Variants in SAMD12 observed in about 807,000 individuals in gnomAD.
SAMD12 encodes sterile alpha motif domain containing 12.
A neutral mutation model predicts 15.0 loss-of-function variants in SAMD12; 9 were observed. The ratio of observed to expected loss-of-function variants is 0.60; its 90% CI spans 0.36 to 1.05. SAMD12 has a LOEUF of 1.05. Among genes scored for constraint, SAMD12 ranks in the 50% least tolerant of loss-of-function variants. The pLI, the probability that SAMD12 is intolerant of heterozygous loss-of-function variation, is 0.01. For missense variants in SAMD12, 230 were observed against 234.2 expected (o/e 0.98, Z 0.12); for synonymous variants, 86 against 90.1 (o/e 0.96, Z 0.25).
At chr8:118,228,437 A>C (rs1024455198) in intron 4 of SAMD12, among the ~76,000 whole-genome samples, 2 of 152,166 alleles carry the variant, frequency 1.3e-5, no homozygotes, top group Non-Finnish European at 2.9e-5. Context: ...AGTCAGTAAG[A>C]AAAAGAAAAA....
rs755990665 is a variant in SAMD12 at position 118,379,114 on chromosome 8, T to C, written c.*303A>G. 1.9e-5 allele frequency: 21 copies of C among 1,111,050 alleles called. No homozygotes were observed. Among genetic ancestry groups the C allele is most frequent in the Non-Finnish European group, 2.2e-5 (20 of 907,746 alleles). The allele number at this position is 1,111,050 out of a possible 1,614,324, so 68.8% of individuals were successfully genotyped here. ...AAATACAACAAAAACTCCACTTATA[T>C]CACTGGTCATCGTAACTATTGAATC... is the stretch of plus-strand genomic sequence containing the variant. On this transcript the variant is annotated 3_prime_UTR_variant, in exon 4 of 4. Coordinates refer to ENST00000314727, the MANE Select transcript of SAMD12 (RefSeq NM_207506.3).
rs536387013 is a variant in SAMD12 at position 118,513,829 on chromosome 8, C to T, written c.192+66886G>A. 1.1e-4 allele frequency among the ~76,000 whole-genome samples: 16 copies of T among 152,258 alleles called. No homozygotes were observed. The East Asian group carries it at 1.7e-3, about 17-fold the overall frequency. On this transcript the variant is annotated intron_variant, in intron 2 of 3. Coordinates refer to ENST00000314727, the MANE Select transcript of SAMD12 (RefSeq NM_207506.3). ...GACTATCAACAGCAAATGACACTTG[C>T]CCTCAGTTTTGGGGGAAAATGGGCA...
intron 4 of SAMD12, among the ~76,000 whole-genome samples, chr8:118,232,424 T>C (rs1812332848): frequency 6.6e-6 from 1 of 152,112 alleles, no homozygotes; most frequent in Admixed American, 6.6e-5. Flanking sequence ...ATGGGGTATT[T>C]GAGGACATGG....
chr8:118,409,394 G>T (rs986092428), intron 3 of SAMD12, among the ~76,000 whole-genome samples: 1 of 145,058 alleles, frequency 6.9e-6, no homozygotes, highest in Non-Finnish European at 1.5e-5. Flanking sequence ...GGTTTTTAAG[G>T]ATTTATTAGC....
Position 118,239,290 on chromosome 8 carries a change from T to C in SAMD12, c.434-41558A>G, listed in dbSNP as rs561016687. ...TCTTTGTTAGGCACTAGGAATATAG[T>C]AGTAAATAGGACAGCTATACAAGGT... On this transcript the variant is annotated intron_variant, in intron 4 of 4. Coordinates refer to the SAMD12 transcript ENST00000409003. Among the ~76,000 whole-genome samples the C allele has an allele frequency of 1.4e-4, 21 of 152,276 alleles. No homozygotes were observed. In the South Asian group the frequency reaches 4.4e-3, roughly 32 times the overall value.
chr8:118,616,846 C>T (rs1210664832), intron 1 of SAMD12, among the ~76,000 whole-genome samples: 3 of 152,192 alleles, frequency 2.0e-5, no homozygotes, highest in Non-Finnish European at 2.9e-5. Flanking sequence ...GTCAGATCAA[C>T]AGAGGCATTA....
the SAMD12 span, among the ~76,000 whole-genome samples, chr8:118,172,103 C>T: frequency 6.6e-5 from 10 of 151,550 alleles, no homozygotes; most frequent in Non-Finnish European, 1.0e-4. Flanking sequence ...CGGGGCCTGT[C>T]GTGGGGTAGG....
intron 3 of SAMD12, among the ~76,000 whole-genome samples, chr8:118,426,531 G>A (rs994212136): frequency 6.6e-6 from 1 of 152,182 alleles, no homozygotes; most frequent in Non-Finnish European, 1.5e-5. Context: ...CATTATTAAG[G>A]ATGTCAGGGA....
At chr8:118,439,794 G>A in intron 3 of SAMD12, 38 bp downstream of exon 3, 1 of 1,602,394 alleles carries the variant, frequency 6.2e-7, no homozygotes. Flanking sequence ...CTGGGAGAAA[G>A]AAAAGGAGTG....
At chr8:118,473,271 G>A (rs1823857490) in intron 2 of SAMD12, among the ~76,000 whole-genome samples, 1 of 152,148 alleles carries the variant, frequency 6.6e-6, no homozygotes, top group South Asian at 2.1e-4. Context: ...TCCCCTGGTG[G>A]TTTTCTAAAC....
At chr8:118,263,731 T>C (rs772178919) in intron 4 of SAMD12, among the ~76,000 whole-genome samples, 1 of 152,050 alleles carries the variant, frequency 6.6e-6, no homozygotes, top group Non-Finnish European at 1.5e-5. Context: ...AAGAATTGTA[T>C]ATGTAAGTGC....
chr8:118,164,098 G>A, the SAMD12 span, among the ~76,000 whole-genome samples: 1 of 152,118 alleles, frequency 6.6e-6, no homozygotes, highest in Non-Finnish European at 1.5e-5. Context: ...GGAGCAGGAG[G>A]GAGGAGTAGG....
intron 4 of SAMD12, among the ~76,000 whole-genome samples, chr8:118,250,640 C>G (rs1280661596): frequency 6.6e-6 from 1 of 151,768 alleles, no homozygotes. Flanking sequence ...ACCACAGGTG[C>G]CTGCCACCAT....
At chr8:118,176,791 C>T in the SAMD12 span, among the ~76,000 whole-genome samples, 7 of 151,924 alleles carry the variant, frequency 4.6e-5, no homozygotes, top group Middle Eastern at 3.2e-3. Context: ...GCACATGTAC[C>T]CCTTGAACCT....
At chr8:118,500,666 C>A (rs994834246) in intron 2 of SAMD12, among the ~76,000 whole-genome samples, 1 of 151,968 alleles carries the variant, frequency 6.6e-6, no homozygotes, top group African/African-American at 2.4e-5. Context: ...ATTAGCTGGG[C>A]GTGGTGGCAG....
chr8:118,263,880 C>T (rs1369704364), intron 4 of SAMD12, among the ~76,000 whole-genome samples: 1 of 152,028 alleles, frequency 6.6e-6, no homozygotes, highest in African/African-American at 2.4e-5. Flanking sequence ...CATAAACAGT[C>T]CTTATAAAGC....
chr8:118,344,242 A>G (rs1019160369), intron 4 of SAMD12, among the ~76,000 whole-genome samples: 1 of 152,154 alleles, frequency 6.6e-6, no homozygotes, highest in African/African-American at 2.4e-5. Context: ...GAAGGTTGAC[A>G]GTACAATGCT....
At chr8:118,475,808 C>G (rs1232601996) in intron 2 of SAMD12, among the ~76,000 whole-genome samples, 1 of 152,150 alleles carries the variant, frequency 6.6e-6, no homozygotes, top group Non-Finnish European at 1.5e-5. Flanking sequence ...ATTAGCGTCA[C>G]CATGTAATTT....
chr8:118,598,078 T>G (rs942336148), intron 1 of SAMD12, among the ~76,000 whole-genome samples: 1 of 152,230 alleles, frequency 6.6e-6, no homozygotes, highest in Admixed American at 6.5e-5. Flanking sequence ...CTTTAGCTAT[T>G]GCTAAAAGGT....
Sources: gnomAD v4.1 joint callset for allele counts (sites outside exome capture counted in the v4.1 genomes callset) on GRCh38, gnomAD v4.1.1 for gene constraint, MANE v1.5 for transcripts, NCBI Gene and HGNC (gene_info 2026-07-23, HGNC 2026-07-21) for gene names.